DDX60L: variants seen among roughly 807,000 people sequenced by gnomAD.
The protein encoded by DDX60L is DExD/H-box 60 like.
Under a neutral mutation model 211.6 loss-of-function variants are expected in DDX60L, and 191 were observed. The observed-to-expected ratio is 0.90, with a 90% CI of 0.80 to 1.02. The LOEUF is 1.02. Among genes scored for constraint, DDX60L ranks in the 50% least tolerant of loss-of-function variants. The probability of loss-of-function intolerance (pLI) is 0.00; values close to 1 mark genes in which losing one functional copy is unlikely to be tolerated. For synonymous variants in DDX60L, 706 were observed against 694.1 expected, an observed-to-expected ratio of 1.02 and a Z score of -0.27; for missense variants, 2,007 against 1,984.1, an observed-to-expected ratio of 1.01 and a Z score of -0.22.
intron 1 of DDX60L, among the ~76,000 whole-genome samples, chr4:168,479,838 GC>G (rs1385903175): frequency 2.0e-5 from 3 of 151,884 alleles, no homozygotes; most frequent in African/African-American, 7.2e-5. Context: ...AAAAAAATTA[GC>G]CGGGCGTGGT....
intron 1 of DDX60L, among the ~76,000 whole-genome samples, chr4:168,475,612 T>A (rs1759368340): frequency 6.6e-6 from 1 of 150,882 alleles, no homozygotes; most frequent in East Asian, 2.0e-4. Context: ...GAGGGAAAAA[T>A]GTTAGGAAAA....
intron 37 of DDX60L, among the ~76,000 whole-genome samples, chr4:168,360,137 C>T (rs977588510): frequency 1.3e-5 from 2 of 152,200 alleles, no homozygotes; most frequent in Non-Finnish European, 2.9e-5. Flanking sequence ...ATAACTCAAT[C>T]ATAGCACTTA....
chr4:168,434,853 T>C (rs1172249673), intron 10 of DDX60L, among the ~76,000 whole-genome samples: 1 of 152,190 alleles, frequency 6.6e-6, no homozygotes, highest in Non-Finnish European at 1.5e-5. Flanking sequence ...ACTTAAGCCC[T>C]GTTACAGACC....
At chr4:168,455,632 T>G (rs764708252) in intron 7 of DDX60L, among the ~76,000 whole-genome samples, 2 of 152,118 alleles carry the variant, frequency 1.3e-5, no homozygotes, top group Admixed American at 1.3e-4. Context: ...GATTACATGG[T>G]GTCAGGTAAC....
At chr4:168,432,323 TTATA>T (rs1230840387) in intron 12 of DDX60L, 128 bp downstream of exon 12, 9 of 207,258 alleles carry the variant, frequency 4.3e-5, no homozygotes, top group Middle Eastern at 1.9e-3. Context: ...AAAATATATA[TTATA>T]TATAATATAT....
intron 26 of DDX60L, 61 bp from the exon 27 acceptor site, chr4:168,396,185 A>C: frequency 2.0e-6 from 2 of 1,023,658 alleles, no homozygotes; most frequent in Non-Finnish European, 2.8e-6. Flanking sequence ...AGTTACTGCA[A>C]GAAGCCTAAG....
intron 4 of DDX60L, among the ~76,000 whole-genome samples, chr4:168,464,146 A>T (rs1405171403): frequency 6.6e-6 from 1 of 152,160 alleles, no homozygotes; most frequent in East Asian, 1.9e-4. Flanking sequence ...ATAAAAATTA[A>T]TTTTAGCTAT....
chr4:168,390,686 T>C (rs1301242249), intron 29 of DDX60L, among the ~76,000 whole-genome samples: 1 of 152,052 alleles, frequency 6.6e-6, no homozygotes, highest in East Asian at 1.9e-4. Context: ...TTCTTCCCTT[T>C]GACTTACAAT....
At position 168,422,650 on chromosome 4, in the gene DDX60L, C is replaced by A. The variant is rs754676938; in HGVS notation, c.2118G>T (p.Lys706Asn). The A allele has an allele frequency of 1.2e-6, 2 of 1,603,630 alleles. No individual in the cohort carries two copies. The highest frequency in any genetic ancestry group is 8.5e-7 in the Non-Finnish European group (1 of 1,174,160). ...DPTLIGDDKNKKKYSIDIGPA... is the reference protein window; with the variant it reads ...DPTLIGDDKNNKKYSIDIGPA... ...GTCCAATGTCAATCGAATATTTCTT[C>A]TTATTTTTGTCATCTCCTATCTGTT... Residue 706 changes from lysine to asparagine, a missense_variant, in exon 16 of 38, where the codon AAG becomes AAT. Coordinates refer to ENST00000682922, the MANE Select transcript of DDX60L (RefSeq NM_001012967.3).
In DDX60L at chr4:168,461,916, T is replaced by C. The variant is rs767729334; in HGVS notation, c.389A>G (p.Asp130Gly). ...ATGCTGTTCCAAGAATAACTTCCAA[T>C]CTTGTGATAAGCATCCAGAAAACTC... The part of the protein sequence containing the change: ...QTEFSGCLSQ[D>G]WKLFLEQHYP... The change falls in exon 5 of 38, where the codon GAT (aspartate) becomes GGT (glycine). Residue 130 changes from aspartate to glycine, a missense_variant. Transcript: ENST00000682922. The C allele has an allele frequency of 1.2e-6, 2 of 1,612,390 alleles. No individual in the cohort carries two copies. The highest frequency in any genetic ancestry group is 2.2e-5 in the East Asian group (1 of 44,846).
chr4:168,370,919 C>T (rs956126514), intron 36 of DDX60L, among the ~76,000 whole-genome samples: 7 of 151,914 alleles, frequency 4.6e-5, no homozygotes, highest in African/African-American at 1.7e-4. Context: ...TCCTTCTTTA[C>T]TGCTTTGTAA....
chr4:168,430,690 T>C, intron 12 of DDX60L, 52 bp from the exon 13 acceptor site: 1 of 1,348,000 alleles, frequency 7.4e-7, no homozygotes, highest in Non-Finnish European at 9.9e-7. Flanking sequence ...TATTGCTATA[T>C]ATGTGTGCTA....
chr4:168,420,772 G>C (rs1321116074), intron 17 of DDX60L, among the ~76,000 whole-genome samples: 1 of 152,070 alleles, frequency 6.6e-6, no homozygotes, highest in African/African-American at 2.4e-5. Context: ...TCTGGTTCAT[G>C]ATTCCAGGTA....
chr4:168,402,245 T>C (rs72976821), intron 25 of DDX60L, among the ~76,000 whole-genome samples: 4,373 of 151,868 alleles, frequency 0.029, 98 homozygotes, highest in East Asian at 0.063. Context: ...CTAAATTTGC[T>C]TCCGTGTTCA....
At position 168,421,888 on chromosome 4, in the gene DDX60L, C is replaced by T. The variant is rs1750693569; in HGVS notation, c.2266G>A (p.Asp756Asn). ...ACAATCACTGCTGACTCATTCTTATCTACCACATCCAGGAGTTCCTGCTGC... is the reference window on the plus strand; with the variant it reads ...ACAATCACTGCTGACTCATTCTTATTTACCACATCCAGGAGTTCCTGCTGC... ...AWQQELLDVV[D>N]KNESAVIVAP... Residue 756 changes from aspartate (D) to asparagine (N), a missense_variant, in exon 17 of 38, where the codon GAT becomes AAT. Physicochemically the swap from Asp to Asn is conservative, Grantham distance 23 (BLOSUM62 1). Coordinates refer to ENST00000682922, the MANE Select transcript of DDX60L (RefSeq NM_001012967.3). The T allele has an allele frequency of 1.2e-6, 2 of 1,614,188 alleles. No homozygotes were observed. Among genetic ancestry groups the T allele is most frequent in the Non-Finnish European group, 1.7e-6 (2 of 1,180,030 alleles).
chr4:168,463,680 A>G (rs922387378), intron 4 of DDX60L, among the ~76,000 whole-genome samples: 5 of 152,306 alleles, frequency 3.3e-5, no homozygotes, highest in East Asian at 1.9e-4. Flanking sequence ...TTCTATAGGT[A>G]TCAATCAAAA....
intron 4 of DDX60L, chr4:168,469,829 G>A (rs1356791639): frequency 6.6e-6 from 1 of 152,310 alleles, no homozygotes; most frequent in Non-Finnish European, 1.5e-5. Context: ...AGTGAGCCAA[G>A]ATTGCGCCAC....
chr4:168,365,013 T>C (rs897082492), intron 36 of DDX60L, among the ~76,000 whole-genome samples: 9 of 152,182 alleles, frequency 5.9e-5, no homozygotes, highest in East Asian at 1.9e-4. Context: ...ACAAAACTTA[T>C]GGAACACAGA....
At chr4:168,384,984 A>C (rs1743613197) in intron 29 of DDX60L, among the ~76,000 whole-genome samples, 172 bp from the exon 30 acceptor site, 1 of 152,198 alleles carries the variant, frequency 6.6e-6, no homozygotes, top group African/African-American at 2.4e-5. Flanking sequence ...GCTGGGCAAA[A>C]GAGATAAGGA....
Sources: allele counts gnomAD v4.1 joint callset (sites outside exome capture counted in the v4.1 genomes callset), GRCh38; gene constraint gnomAD v4.1.1; transcripts MANE v1.5; gene names NCBI Gene and HGNC (gene_info 2026-07-23, HGNC 2026-07-21).